Variants in POFUT3 observed in about 807,000 individuals in gnomAD.
The protein encoded by POFUT3 is protein O-fucosyltransferase 3, also known as GDP-fucose protein O-fucosyltransferase 3.
At chr8:33,312,627 C>A in the POFUT3 span, among the ~76,000 whole-genome samples, 1 of 152,118 alleles carries the variant, frequency 6.6e-6, no homozygotes, top group Non-Finnish European at 1.5e-5. Flanking sequence ...TCATAATAGT[C>A]TAGGAAGCTC....
At chr8:33,373,533 A>G in the POFUT3 span, among the ~76,000 whole-genome samples, 3 of 152,196 alleles carry the variant, frequency 2.0e-5, no homozygotes, top group Non-Finnish European at 4.4e-5. Flanking sequence ...TCTCCTAACT[A>G]ACCCCTTGAT....
the POFUT3 span, among the ~76,000 whole-genome samples, chr8:33,392,376 G>C: frequency 6.6e-6 from 1 of 152,048 alleles, no homozygotes; most frequent in East Asian, 1.9e-4. Flanking sequence ...AGGAGTTCGA[G>C]ACCAGCCTGG....
At chr8:33,374,893 A>C in the POFUT3 span, among the ~76,000 whole-genome samples, 1 of 125,950 alleles carries the variant, frequency 7.9e-6, no homozygotes, top group African/African-American at 2.9e-5. Flanking sequence ...TTTTTTTTTG[A>C]GACAGAATCT....
At chr8:33,389,635 T>C in the POFUT3 span, 1 of 1,614,200 alleles carries the variant, frequency 6.2e-7, no homozygotes, top group East Asian at 2.2e-5. Flanking sequence ...GGGTAGTTAG[T>C]GGCAAGTGGG....
chr8:33,376,022 G>T, the POFUT3 span, among the ~76,000 whole-genome samples: 1 of 124,608 alleles, frequency 8.0e-6, no homozygotes, highest in South Asian at 2.4e-4. Context: ...ATCTCAAAAA[G>T]AAAAAAAAAA....
the POFUT3 span, among the ~76,000 whole-genome samples, chr8:33,390,710 T>C: frequency 2.6e-5 from 4 of 152,020 alleles, no homozygotes; most frequent in African/African-American, 9.7e-5. Context: ...GAGCTGATAA[T>C]AGCACTATGT....
At chr8:33,360,074 G>A in the POFUT3 span, among the ~76,000 whole-genome samples, 1 of 151,790 alleles carries the variant, frequency 6.6e-6, no homozygotes, top group Non-Finnish European at 1.5e-5. Context: ...TACCTCAAAT[G>A]GTAATTGTGT....
chr8:33,331,652 T>G, the POFUT3 span, among the ~76,000 whole-genome samples: 3 of 150,834 alleles, frequency 2.0e-5, no homozygotes, highest in African/African-American at 5.0e-5. Flanking sequence ...TGAGACTCTA[T>G]CTCTAAAGAT....
the POFUT3 span, among the ~76,000 whole-genome samples, chr8:33,340,084 T>C: frequency 1.3e-5 from 2 of 152,100 alleles, no homozygotes; most frequent in Non-Finnish European, 2.9e-5. Context: ...AACAATTCTA[T>C]TATAAGTGGA....
At chr8:33,445,611 C>G in the POFUT3 span, among the ~76,000 whole-genome samples, 3 of 152,088 alleles carry the variant, frequency 2.0e-5, no homozygotes, top group Non-Finnish European at 4.4e-5. Context: ...CTGTGTTTCT[C>G]CAACACAGAA....
the POFUT3 span, among the ~76,000 whole-genome samples, chr8:33,320,220 A>T: frequency 4.6e-5 from 7 of 152,066 alleles, no homozygotes; most frequent in East Asian, 1.9e-4. Flanking sequence ...GGCATCTGAT[A>T]CACATTTTTG....
the POFUT3 span, among the ~76,000 whole-genome samples, chr8:33,401,094 T>C: frequency 2.0e-5 from 3 of 152,196 alleles, no homozygotes; most frequent in African/African-American, 4.8e-5. Context: ...GTGATTCTCC[T>C]GCCTCAGCCA....
the POFUT3 span, among the ~76,000 whole-genome samples, chr8:33,403,802 T>C: frequency 6.6e-6 from 1 of 151,952 alleles, no homozygotes; most frequent in African/African-American, 2.4e-5. Flanking sequence ...ACGAACTCTG[T>C]CCCAAAACAC....
chr8:33,395,021 G>A, the POFUT3 span, among the ~76,000 whole-genome samples: 8 of 152,048 alleles, frequency 5.3e-5, no homozygotes, highest in African/African-American at 1.9e-4. Flanking sequence ...TATTGTATGG[G>A]GCTGAAACTC....
the POFUT3 span, among the ~76,000 whole-genome samples, chr8:33,388,713 A>T: frequency 6.6e-6 from 1 of 152,108 alleles, no homozygotes; most frequent in Non-Finnish European, 1.5e-5. Context: ...CACCTGCAGC[A>T]CGGGATCCCC....
the POFUT3 span, among the ~76,000 whole-genome samples, chr8:33,311,415 A>C: frequency 6.6e-6 from 1 of 152,172 alleles, no homozygotes; most frequent in South Asian, 2.1e-4. Flanking sequence ...ACATTGCCCT[A>C]AATTGAGTTG....
chr8:33,418,411 CT>C, the POFUT3 span, among the ~76,000 whole-genome samples: 26,483 of 126,300 alleles, frequency 0.21, 2,881 homozygotes, highest in African/African-American at 0.36. Context: ...AAAGGGAACT[CT>C]TTTTTTTTTT....
chr8:33,386,463 T>G, the POFUT3 span, among the ~76,000 whole-genome samples: 1 of 152,086 alleles, frequency 6.6e-6, no homozygotes, highest in Non-Finnish European at 1.5e-5. Context: ...AAATGCCACA[T>G]TCAGTTAGCT....
the POFUT3 span, among the ~76,000 whole-genome samples, chr8:33,415,534 G>C: frequency 6.6e-6 from 1 of 152,120 alleles, no homozygotes; most frequent in Non-Finnish European, 1.5e-5. Flanking sequence ...TCAAGTACCA[G>C]GTCCCCACCC....
Sources: gnomAD v4.1 joint callset for allele counts (sites outside exome capture counted in the v4.1 genomes callset) on GRCh38, gnomAD v4.1.1 for gene constraint, MANE v1.5 for transcripts, NCBI Gene and HGNC (gene_info 2026-07-23, HGNC 2026-07-21) for gene names.